MECOM: variants seen among roughly 807,000 people sequenced by gnomAD.
The protein encoded by MECOM is histone-lysine N-methyltransferase MECOM.
MECOM carries 13 observed loss-of-function variants against 116.3 expected under a neutral mutation model. The observed-to-expected ratio is 0.11, with a 90% confidence interval of 0.07 to 0.18. MECOM has a LOEUF of 0.18. Ranked by LOEUF, MECOM falls within the 10% of genes least tolerant of loss-of-function variation. MECOM has a pLI of 1.00. For synonymous variants in MECOM, 528 were observed against 535.2 expected, an observed-to-expected ratio of 0.99 and a Z score of 0.19; for missense variants, 1,299 against 1,509.0, an observed-to-expected ratio of 0.86 and a Z score of 2.31.
intron 2 of MECOM, among the ~76,000 whole-genome samples, chr3:169,229,702 T>A (rs1753150160): frequency 6.6e-6 from 1 of 152,140 alleles, no homozygotes; most frequent in Non-Finnish European, 1.5e-5. Flanking sequence ...ACTGTGAATA[T>A]GCCCTCAAGA....
At chr3:169,470,893 A>T (rs1202836855) in intron 1 of MECOM, among the ~76,000 whole-genome samples, 2 of 152,140 alleles carry the variant, frequency 1.3e-5, no homozygotes, top group Non-Finnish European at 2.9e-5. Context: ...TTTTTTTATT[A>T]CAATAAGGCA....
intron 2 of MECOM, among the ~76,000 whole-genome samples, chr3:169,270,679 T>C (rs1162938846): frequency 6.6e-6 from 1 of 152,196 alleles, no homozygotes; most frequent in Non-Finnish European, 1.5e-5. Context: ...AGTAGGGTTT[T>C]TGTTGTTGTC....
chr3:169,203,606 T>G (rs1054199580), intron 2 of MECOM, among the ~76,000 whole-genome samples: 3 of 152,176 alleles, frequency 2.0e-5, no homozygotes, highest in African/African-American at 4.8e-5. Flanking sequence ...AACACTCCTT[T>G]AAATAACCAT....
intron 1 of MECOM, among the ~76,000 whole-genome samples, chr3:169,392,830 C>A (rs1734435785): frequency 6.6e-6 from 1 of 152,130 alleles, no homozygotes; most frequent in African/African-American, 2.4e-5. Flanking sequence ...AACGCAGTTG[C>A]CATTCACATT....
Position 169,584,315 on chromosome 3 carries a change from C to T in MECOM, c.37+79021G>A, listed in dbSNP as rs192518943. On this transcript the variant is annotated intron_variant, in intron 1 of 16. Coordinates refer to ENST00000651503, the MANE Select transcript of MECOM (RefSeq NM_004991.4). ...GCGCGGGGGCTCACTCCTGTAATCC[C>T]AGCACTTTGGGAGGCCGGGGCGGGC... Among the ~76,000 whole-genome samples, 1,008 of 152,078 alleles carry T rather than the reference C, an allele frequency of 6.6e-3. 19 individuals are homozygous for T. The East Asian group carries it at 0.08, about 12-fold the overall frequency.
chr3:169,276,407 G>T (rs930936163), intron 2 of MECOM, among the ~76,000 whole-genome samples: 1 of 151,926 alleles, frequency 6.6e-6, no homozygotes, highest in East Asian at 1.9e-4. Context: ...GAAAAAATTA[G>T]CCAGGCACGG....
At chr3:169,170,804 A>G (rs931509222) in intron 2 of MECOM, among the ~76,000 whole-genome samples, 12 of 152,104 alleles carry the variant, frequency 7.9e-5, no homozygotes, top group African/African-American at 2.9e-4. Context: ...AATTCTATTA[A>G]CCCATTTAAA....
chr3:169,499,096 G>A (rs1447971723), intron 1 of MECOM, among the ~76,000 whole-genome samples: 3 of 151,664 alleles, frequency 2.0e-5, no homozygotes, highest in Non-Finnish European at 2.9e-5. Context: ...ATATACATAT[G>A]AGTATATAAA....
intron 2 of MECOM, among the ~76,000 whole-genome samples, chr3:169,236,238 C>T (rs1193821859): frequency 1.3e-5 from 2 of 152,108 alleles, no homozygotes; most frequent in Non-Finnish European, 1.5e-5. Context: ...TTATAAAGGG[C>T]TTATTGGAAC....
chr3:169,445,623 G>A (rs147830147), intron 1 of MECOM, among the ~76,000 whole-genome samples: 9 of 152,262 alleles, frequency 5.9e-5, no homozygotes, highest in African/African-American at 1.9e-4. Context: ...AGTCCCTACC[G>A]GGACACTTTC....
At chr3:169,431,761 G>T (rs1741680860) in intron 1 of MECOM, among the ~76,000 whole-genome samples, 1 of 152,192 alleles carries the variant, frequency 6.6e-6, no homozygotes, top group Non-Finnish European at 1.5e-5. Flanking sequence ...TCAGTAGCAT[G>T]AATTAGTACT....
chr3:169,422,964 TAA>T (rs1363164576), intron 1 of MECOM, among the ~76,000 whole-genome samples: 1 of 152,072 alleles, frequency 6.6e-6, no homozygotes, highest in East Asian at 1.9e-4. Context: ...CCCTTATTTT[TAA>T]AAAGAGTGCT....
intron 2 of MECOM, among the ~76,000 whole-genome samples, chr3:169,352,731 T>C (rs989156991): frequency 6.6e-6 from 1 of 151,920 alleles, no homozygotes; most frequent in Admixed American, 6.6e-5. Context: ...TTTTGTCCAA[T>C]AGGCATTTGA....
intron 10 of MECOM, among the ~76,000 whole-genome samples, chr3:169,105,512 A>G (rs1018861275): frequency 6.6e-5 from 10 of 152,192 alleles, no homozygotes; most frequent in Non-Finnish European, 1.2e-4. Context: ...GAATCTAGCT[A>G]TATGTTTTTA....
At chr3:169,269,813 A>T (rs1404670701) in intron 2 of MECOM, among the ~76,000 whole-genome samples, 1 of 152,180 alleles carries the variant, frequency 6.6e-6, no homozygotes, top group Non-Finnish European at 1.5e-5. Flanking sequence ...CTTTGGTGCT[A>T]TTTTTAATTA....
chr3:169,543,276 T>C (rs924922743), intron 1 of MECOM, among the ~76,000 whole-genome samples: 1 of 152,002 alleles, frequency 6.6e-6, no homozygotes, highest in African/African-American at 2.4e-5. Context: ...TGGCTTCTTA[T>C]AAAAAAAAGT....
chr3:169,187,935 C>T (rs1244861920), intron 2 of MECOM, among the ~76,000 whole-genome samples: 1 of 152,086 alleles, frequency 6.6e-6, no homozygotes, highest in Non-Finnish European at 1.5e-5. Context: ...ATAATTTGTA[C>T]TTTGCTCTAT....
At chr3:169,293,021 A>C (rs2149699420) in intron 2 of MECOM, among the ~76,000 whole-genome samples, 1 of 152,182 alleles carries the variant, frequency 6.6e-6, no homozygotes, top group East Asian at 1.9e-4. Context: ...CTTATCCAAG[A>C]CCTCAGCTCC....
At chr3:169,455,000 A>G (rs4245909) in intron 1 of MECOM, among the ~76,000 whole-genome samples, 79,167 of 151,976 alleles carry the variant, frequency 0.52, 21,053 homozygotes, top group East Asian at 0.83. Context: ...ATGTCTATGT[A>G]GTGTCATCAT....
Sources: allele counts gnomAD v4.1 joint callset (sites outside exome capture counted in the v4.1 genomes callset), GRCh38; gene constraint gnomAD v4.1.1; transcripts MANE v1.5; gene names NCBI Gene and HGNC (gene_info 2026-07-23, HGNC 2026-07-21).